Variants in FHOD3 observed in about 807,000 individuals in gnomAD.
FHOD3 encodes FH1/FH2 domain-containing protein 3.
FHOD3 carries 90 observed loss-of-function variants against 173.0 expected under a neutral mutation model. The observed-to-expected ratio is 0.52, with a 90% CI of 0.44 to 0.62. FHOD3 has a LOEUF of 0.62. Ranked by LOEUF, FHOD3 falls within the 20% of genes least tolerant of loss-of-function variation. FHOD3 has a pLI of 0.00. For synonymous variants in FHOD3, 828 were observed against 823.0 expected (o/e 1.01, Z -0.10); for missense variants, 1,945 against 2,034.7 (o/e 0.96, Z 0.85).
intron 3 of FHOD3, among the ~76,000 whole-genome samples, chr18:36,465,066 G>A (rs1314738296): frequency 1.3e-5 from 2 of 152,294 alleles, no homozygotes; most frequent in African/African-American, 2.4e-5. Flanking sequence ...TGTGGCTCAC[G>A]CCTGTAATCC....
Position 36,406,413 on chromosome 18 carries a change from C to T in FHOD3, c.337+33669C>T, listed in dbSNP as rs770393868. On this transcript the variant is annotated intron_variant, in intron 3 of 28. Coordinates refer to ENST00000590592, the MANE Select transcript of FHOD3 (RefSeq NM_001281740.3). ...GAGTTTTCCTCTCAGCGTTTATGGG[C>T]CTCAAAACAGCCTTGGCATGTGCGG... Among the ~76,000 whole-genome samples the T allele has an allele frequency of 3.0e-4, 45 of 152,164 alleles. 1 individual carries two copies. The highest frequency in any genetic ancestry group is 3.3e-4 in the Admixed American group (5 of 15,276).
intron 5 of FHOD3, among the ~76,000 whole-genome samples, chr18:36,530,301 C>A (rs1460650568): frequency 1.3e-5 from 2 of 152,208 alleles, no homozygotes; most frequent in African/African-American, 4.8e-5. Context: ...TTCTCCCCAC[C>A]TGGCTTCTCC....
intron 27 of FHOD3, among the ~76,000 whole-genome samples, chr18:36,763,464 C>A (rs1160799955): frequency 7.0e-6 from 1 of 143,000 alleles, no homozygotes; most frequent in Non-Finnish European, 1.5e-5. Context: ...GTATTATACA[C>A]GTTATATATA....
intron 9 of FHOD3, among the ~76,000 whole-genome samples, chr18:36,620,596 A>C (rs2848911): frequency 0.98 from 148,651 of 152,364 alleles, 72,634 homozygotes; most frequent in East Asian, 1. Context: ...CAGCTGCCCA[A>C]AGTAGAAGTT....
chr18:36,687,166 C>A lies in FHOD3; in HGVS notation c.2009C>A (p.Ala670Glu), dbSNP rs1410614022. 2 of 1,610,844 alleles carry A rather than the reference C, an allele frequency of 1.2e-6. No individual in the cohort carries two copies. The highest frequency in any genetic ancestry group is 1.7e-6 in the Non-Finnish European group (2 of 1,177,558). Residue 670 changes from alanine (A) to glutamate (E), a missense_variant, in exon 16 of 29, where the codon GCA becomes GAA. Physicochemically the swap from Ala to Glu is moderately radical, Grantham distance 107. Around this residue, in one of 5 missense-constraint regions of FHOD3, gnomAD observed 1,099 missense variants for 1,051.2 expected, o/e 1.05. Transcript: ENST00000590592. ...YLDKREEQRQAREERYKYLEQ... is the reference protein window; with the variant it reads ...YLDKREEQRQEREERYKYLEQ... Reference sequence around the variant, plus strand: ...GACAAAAGAGAGGAGCAAAGGCAAGCAAGAGAAGAAAGGTTTGTATATTTC... The same window carrying A: ...GACAAAAGAGAGGAGCAAAGGCAAGAAAGAGAAGAAAGGTTTGTATATTTC...
At chr18:36,606,482 G>A (rs888755208) in intron 8 of FHOD3, among the ~76,000 whole-genome samples, 1 of 152,118 alleles carries the variant, frequency 6.6e-6, no homozygotes. Flanking sequence ...TTTCAACACT[G>A]TTGCTTTGGG....
intron 3 of FHOD3, among the ~76,000 whole-genome samples, chr18:36,486,636 T>C (rs1274206945): frequency 1.3e-5 from 2 of 152,242 alleles, no homozygotes; most frequent in Non-Finnish European, 2.9e-5. Flanking sequence ...GAACTAAAAC[T>C]GAATTGTAGA....
At chr18:36,588,578 G>A (rs2059115354) in intron 6 of FHOD3, among the ~76,000 whole-genome samples, 1 of 151,994 alleles carries the variant, frequency 6.6e-6, no homozygotes, top group African/African-American at 2.4e-5. Context: ...TTCTTTTTTG[G>A]CTGTTGAATT....
At chr18:36,612,207 A>G in intron 9 of FHOD3, 112 bp downstream of exon 9, 1 of 1,170,800 alleles carries the variant, frequency 8.5e-7, no homozygotes. Context: ...CCAGCTTATT[A>G]GAAACTCAGC....
chr18:36,331,039 G>A (rs531124582), intron 1 of FHOD3, among the ~76,000 whole-genome samples: 18 of 152,174 alleles, frequency 1.2e-4, no homozygotes, highest in Non-Finnish European at 2.2e-4. Flanking sequence ...GATCCCACCT[G>A]CTTCTGGGCG....
intron 3 of FHOD3, among the ~76,000 whole-genome samples, chr18:36,479,318 C>T (rs2053755231): frequency 1.3e-5 from 2 of 152,156 alleles, no homozygotes; most frequent in South Asian, 4.1e-4. Flanking sequence ...GGACACTGAA[C>T]CTATTCATAA....
At chr18:36,667,216 A>G (rs2037239569) in intron 14 of FHOD3, among the ~76,000 whole-genome samples, 2 of 152,178 alleles carry the variant, frequency 1.3e-5, no homozygotes, top group South Asian at 4.1e-4. Flanking sequence ...GGGTAAATAT[A>G]GTCATTCGTC....
At chr18:36,478,478 G>C (rs1162096579) in intron 3 of FHOD3, among the ~76,000 whole-genome samples, 1 of 148,978 alleles carries the variant, frequency 6.7e-6, no homozygotes, top group Admixed American at 6.7e-5. Flanking sequence ...TAGTCCCCTT[G>C]TTGTGCTATC....
At chr18:36,608,669 A>G (rs563008361) in intron 8 of FHOD3, among the ~76,000 whole-genome samples, 1 of 152,306 alleles carries the variant, frequency 6.6e-6, no homozygotes, top group South Asian at 2.1e-4. Context: ...GAGCTCCTAT[A>G]TATAATCCTG....
intron 3 of FHOD3, among the ~76,000 whole-genome samples, chr18:36,462,658 G>A (rs944698760): frequency 2.0e-5 from 3 of 152,186 alleles, no homozygotes; most frequent in African/African-American, 7.2e-5. Flanking sequence ...CCAAGCTAGA[G>A]TGCAGTGGTG....
At chr18:36,577,438 T>A (rs2058697515) in intron 6 of FHOD3, among the ~76,000 whole-genome samples, 1 of 152,090 alleles carries the variant, frequency 6.6e-6, no homozygotes, top group African/African-American at 2.4e-5. Context: ...GTAGGTGGGA[T>A]TAAAGGCATG....
At chr18:36,481,299 G>A (rs1389650418) in intron 3 of FHOD3, among the ~76,000 whole-genome samples, 1 of 152,046 alleles carries the variant, frequency 6.6e-6, no homozygotes, top group Non-Finnish European at 1.5e-5. Context: ...TTTGGACCAA[G>A]CTCTTCAAGT....
intron 1 of FHOD3, among the ~76,000 whole-genome samples, chr18:36,324,853 A>G (rs2044586185): frequency 6.6e-6 from 1 of 152,218 alleles, no homozygotes; most frequent in Admixed American, 6.5e-5. Flanking sequence ...ACACCTTTGT[A>G]TATATATGTG....
chr18:36,620,477 G>A (rs779675625), intron 9 of FHOD3, among the ~76,000 whole-genome samples: 17 of 152,134 alleles, frequency 1.1e-4, no homozygotes, highest in Non-Finnish European at 2.4e-4. Flanking sequence ...GTGCTGCCTT[G>A]TGTCCACACC....
Sources: gnomAD v4.1 joint callset for allele counts (sites outside exome capture counted in the v4.1 genomes callset) on GRCh38, gnomAD v4.1.1 for gene constraint, gnomAD v4.1.1 regional missense constraint, MANE v1.5 for transcripts, NCBI Gene and HGNC (gene_info 2026-07-23, HGNC 2026-07-21) for gene names.